SMCO4: variants seen among roughly 807,000 people sequenced by gnomAD.
SMCO4 encodes the protein single-pass membrane protein with coiled-coil domains 4.
A neutral mutation model predicts 3.6 loss-of-function variants in SMCO4; 4 were observed. That is an observed-to-expected ratio of 1.11 (90% CI 0.54 to 2.53). The LOEUF (loss-of-function observed/expected upper bound fraction) is 2.53. SMCO4 is among the 30% of genes most tolerant of loss of function. SMCO4 has a pLI of 0.02. For synonymous variants in SMCO4, 36 were observed against 35.3 expected, an observed-to-expected ratio of 1.02 and a Z score of -0.07; for missense variants, 70 against 80.8, an observed-to-expected ratio of 0.87 and a Z score of 0.51.
intron 1 of SMCO4, among the ~76,000 whole-genome samples, chr11:93,512,086 A>G (rs976403483): frequency 6.6e-6 from 1 of 151,926 alleles, no homozygotes; most frequent in Non-Finnish European, 1.5e-5. Flanking sequence ...GAAATATGCA[A>G]TAGGAATTTA....
chr11:93,542,880 C>G (rs959407303), intron 1 of SMCO4, among the ~76,000 whole-genome samples: 3 of 152,228 alleles, frequency 2.0e-5, no homozygotes, highest in Non-Finnish European at 4.4e-5. Flanking sequence ...ATACGGGGCC[C>G]TCCCGGCCGC....
intron 1 of SMCO4, among the ~76,000 whole-genome samples, chr11:93,502,368 T>C (rs1295836489): frequency 3.3e-5 from 5 of 152,078 alleles, no homozygotes; most frequent in Non-Finnish European, 5.9e-5. Flanking sequence ...CCAGGCTTCA[T>C]AACAGAATGG....
In SMCO4 at chr11:93,529,218, C is replaced by A. The variant is rs1413428751; in HGVS notation, c.-154+14058G>T. Among the ~76,000 whole-genome samples the A allele has an allele frequency of 4.6e-5, 7 of 152,106 alleles. No homozygotes were observed. The South Asian group carries it at 1.5e-3, about 32-fold the overall frequency. ...TTTTGATGTGCTAAGGAAAGAACAC[C>A]CTAAAAATAACTTCTGGAATTACAC... On this transcript the variant is annotated intron_variant, in intron 1 of 2. Coordinates refer to ENST00000298966, the MANE Select transcript of SMCO4 (RefSeq NM_020179.3).
intron 1 of SMCO4, among the ~76,000 whole-genome samples, chr11:93,527,097 A>C (rs1348648699): frequency 6.6e-6 from 1 of 152,250 alleles, no homozygotes; most frequent in Admixed American, 6.5e-5. Context: ...TGCGTCAGCC[A>C]CACACCCTAA....
chr11:93,519,582 G>T lies in SMCO4; in HGVS notation c.-153-20234C>A, dbSNP rs922807152. On this transcript the variant is annotated intron_variant, in intron 1 of 2. Transcript: ENST00000298966. ...TGCAAAAGTAGGGGCTAACAAAGAT[G>T]CATGTGCAAAATATAAAACTACACC... 3.9e-5 allele frequency among the ~76,000 whole-genome samples: 6 copies of T among 152,356 alleles called. No individual in the cohort carries two copies. In the East Asian group the frequency reaches 9.6e-4, roughly 24 times the overall value.
intron 1 of SMCO4, among the ~76,000 whole-genome samples, chr11:93,530,817 C>T: frequency 6.6e-6 from 1 of 152,216 alleles, no homozygotes; most frequent in East Asian, 1.9e-4. Context: ...CATTCCTTCT[C>T]AGCAAAGCCC....
At chr11:93,506,595 C>T (rs1467894005) in intron 1 of SMCO4, among the ~76,000 whole-genome samples, 9 of 151,744 alleles carry the variant, frequency 5.9e-5, no homozygotes, top group South Asian at 2.1e-4. Flanking sequence ...CCCGCCACCA[C>T]GTCTAGCTAA....
intron 1 of SMCO4, among the ~76,000 whole-genome samples, chr11:93,521,866 A>C (rs1475430608): frequency 6.6e-6 from 1 of 152,196 alleles, no homozygotes; most frequent in Non-Finnish European, 1.5e-5. Context: ...TCGAAGCTAT[A>C]ATCTCTCTCA....
chr11:93,539,958 T>A lies in SMCO4; in HGVS notation c.-154+3318A>T, dbSNP rs536110385. 4.5e-3 allele frequency among the ~76,000 whole-genome samples: 618 copies of A among 137,766 alleles called. 9 individuals are homozygous for A. Among genetic ancestry groups the A allele is most frequent in the African/African-American group, 0.014 (518 of 37,504 alleles). The allele number at this position is 137,766 out of a possible 152,430, so 90.4% of individuals were successfully genotyped here. A position where few individuals can be genotyped will look rare whatever the true frequency, so the allele number is the denominator to read the frequency against. On this transcript the variant is annotated intron_variant, in intron 1 of 2. Transcript: ENST00000298966. ...TTTTCCCTGTCCAACAAAATTAATT[T>A]AAAAAAAAAAAAAAGGAGGAAGGCC... is the stretch of plus-strand genomic sequence containing the variant.
At chr11:93,514,579 C>T (rs980808435) in intron 1 of SMCO4, among the ~76,000 whole-genome samples, 2 of 151,684 alleles carry the variant, frequency 1.3e-5, no homozygotes, top group Non-Finnish European at 2.9e-5. Flanking sequence ...TTACTTTTTT[C>T]CATACGTACA....
chr11:93,518,753 T>C (rs1949031429), intron 1 of SMCO4, among the ~76,000 whole-genome samples: 1 of 152,068 alleles, frequency 6.6e-6, no homozygotes, highest in Non-Finnish European at 1.5e-5. Context: ...GGTTGCTGTA[T>C]CTCCAGGATA....
upstream of SMCO4, among the ~76,000 whole-genome samples, chr11:93,546,787 AT>A (rs11344987): frequency 0.054 from 8,149 of 152,264 alleles, 267 homozygotes; most frequent in Middle Eastern, 0.058. Context: ...AATCTAAACG[AT>A]TATACATGGC....
At chr11:93,480,399 G>A (rs1260171916) in intron 2 of SMCO4, among the ~76,000 whole-genome samples, 2 of 152,118 alleles carry the variant, frequency 1.3e-5, no homozygotes, top group Non-Finnish European at 1.5e-5. Flanking sequence ...GTCTCCAGAT[G>A]AACTCGCCAC....
At chr11:93,530,430 A>C (rs56127439) in intron 1 of SMCO4, among the ~76,000 whole-genome samples, 3 of 152,290 alleles carry the variant, frequency 2.0e-5, no homozygotes, top group Non-Finnish European at 4.4e-5. Context: ...TACAGCACTA[A>C]CATTTTTTAA....
At chr11:93,490,668 G>A (rs565749242) in intron 2 of SMCO4, among the ~76,000 whole-genome samples, 2 of 152,270 alleles carry the variant, frequency 1.3e-5, no homozygotes, top group African/African-American at 4.8e-5. Context: ...AAATGGCCCA[G>A]GTGAGGTTGT....
intron 1 of SMCO4, among the ~76,000 whole-genome samples, chr11:93,534,213 TATACACACACACACACACACACAC>T (rs1224566000): frequency 3.5e-4 from 9 of 25,936 alleles, no homozygotes; most frequent in East Asian, 2.4e-3. Context: ...AAAATATATA[TATACACACACACACACACACACAC>T]ACACACACAC....
chr11:93,523,418 G>A (rs12419415), intron 1 of SMCO4: 5,351 of 152,636 alleles, frequency 0.035, 246 homozygotes, highest in East Asian at 0.14. Flanking sequence ...AGCACTCTGG[G>A]AGGCCAAGGC....
At chr11:93,534,170 G>A (rs61918482) in intron 1 of SMCO4, among the ~76,000 whole-genome samples, 1 of 144,590 alleles carries the variant, frequency 6.9e-6, no homozygotes, top group Admixed American at 7.2e-5. Context: ...CAGCCTGGGC[G>A]ACAAAATGAG....
intron 1 of SMCO4, among the ~76,000 whole-genome samples, chr11:93,520,000 GA>G (rs1361653443): frequency 6.6e-6 from 1 of 152,154 alleles, no homozygotes; most frequent in Non-Finnish European, 1.5e-5. Flanking sequence ...ATCAAGCAAA[GA>G]AAAGCAAAGG....
Sources: gnomAD v4.1 joint callset for allele counts (sites outside exome capture counted in the v4.1 genomes callset) on GRCh38, gnomAD v4.1.1 for gene constraint, MANE v1.5 for transcripts, NCBI Gene and HGNC (gene_info 2026-07-23, HGNC 2026-07-21) for gene names.